The following ANKH variants were observed in gnomAD, a reference collection of about 807,000 sequenced individuals.
ANKH encodes the protein ANKH inorganic pyrophosphate transport regulator, also known as mineralization regulator ANKH.
ANKH carries 15 observed loss-of-function variants against 49.0 expected under a neutral mutation model. That is an observed-to-expected ratio of 0.31 (90% CI 0.20 to 0.47). The LOEUF is 0.47. ANKH is among the 20% of genes least tolerant of loss of function. The probability of loss-of-function intolerance (pLI) is 1.00; values close to 1 mark genes in which losing one functional copy is unlikely to be tolerated. For missense variants in ANKH, 429 were observed against 652.0 expected, an observed-to-expected ratio of 0.66 and a Z score of 3.72; for synonymous variants, 273 against 260.0, an observed-to-expected ratio of 1.05 and a Z score of -0.48.
intron 1 of ANKH, among the ~76,000 whole-genome samples, chr5:14,793,021 A>AAAAT (rs1444535355): frequency 1.2e-3 from 80 of 68,270 alleles, no homozygotes; most frequent in African/African-American, 4.4e-3. Flanking sequence ...TATATATATA[A>AAAAT]ATATATATAT....
intron 1 of ANKH, among the ~76,000 whole-genome samples, chr5:14,819,938 CAT>C (rs1554008278): frequency 6.1e-5 from 9 of 147,476 alleles, no homozygotes; most frequent in African/African-American, 1.2e-4. Context: ...CACACACACA[CAT>C]TAAGCCTAAT....
chr5:14,771,243 C>T (rs1167465119), intron 1 of ANKH, among the ~76,000 whole-genome samples: 2 of 152,196 alleles, frequency 1.3e-5, no homozygotes, highest in Non-Finnish European at 2.9e-5. Flanking sequence ...TAAACTCAAT[C>T]CACCATTGTG....
intron 1 of ANKH, among the ~76,000 whole-genome samples, chr5:14,843,144 A>T (rs1741859266): frequency 6.6e-6 from 1 of 151,734 alleles, no homozygotes; most frequent in Non-Finnish European, 1.5e-5. Context: ...CTCCCTAACA[A>T]ACGAGACCTT....
At chr5:14,803,113 G>A (rs1252480854) in intron 1 of ANKH, among the ~76,000 whole-genome samples, 1 of 152,164 alleles carries the variant, frequency 6.6e-6, no homozygotes, top group Non-Finnish European at 1.5e-5. Flanking sequence ...TATTTTAGTT[G>A]TTTAAATGTT....
At chr5:14,863,798 A>G (rs1032547653) in intron 1 of ANKH, among the ~76,000 whole-genome samples, 1 of 152,166 alleles carries the variant, frequency 6.6e-6, no homozygotes, top group Non-Finnish European at 1.5e-5. Context: ...CTCCCACCCA[A>G]CATAACCTGC....
intron 1 of ANKH, among the ~76,000 whole-genome samples, chr5:14,831,140 T>C (rs1580102335): frequency 6.6e-6 from 1 of 152,196 alleles, no homozygotes; most frequent in Non-Finnish European, 1.5e-5. Context: ...AGTTTTCTAC[T>C]GAGTGGGACT....
At chr5:14,784,544 G>A (rs1739912596) in intron 1 of ANKH, among the ~76,000 whole-genome samples, 1 of 152,210 alleles carries the variant, frequency 6.6e-6, no homozygotes, top group Non-Finnish European at 1.5e-5. Flanking sequence ...AAAAGAAGTG[G>A]TTATTTTAAA....
chr5:14,797,978 T>C (rs752378827), intron 1 of ANKH: 24 of 1,563,204 alleles, frequency 1.5e-5, no homozygotes, highest in Non-Finnish European at 2.1e-5. Flanking sequence ...GAGTCTTTGT[T>C]GTGATGATAC....
chr5:14,760,768 G>A (rs1313972889), intron 2 of ANKH, among the ~76,000 whole-genome samples: 2 of 152,200 alleles, frequency 1.3e-5, no homozygotes, highest in Non-Finnish European at 2.9e-5. Flanking sequence ...AAATCCCCTG[G>A]TGAAGGTTAC....
chr5:14,776,384 A>G (rs906773159), intron 1 of ANKH, among the ~76,000 whole-genome samples: 2 of 152,154 alleles, frequency 1.3e-5, no homozygotes, highest in Non-Finnish European at 2.9e-5. Context: ...ATGGATATAC[A>G]TTTGGAGGTC....
In ANKH at chr5:14,860,705, C is replaced by T. The variant is rs112671273; in HGVS notation, c.96+10647G>A. 5.9e-3 allele frequency among the ~76,000 whole-genome samples: 892 copies of T among 152,202 alleles called. 1 individual carries two copies. The highest frequency in any genetic ancestry group is 0.019 in the African/African-American group (802 of 41,534). ...CTAAGTCAAACGGCAAATTAGAAAA[C>T]GGCAGGCAGAAACTCAAATACTCTC... On this transcript the variant is annotated intron_variant, in intron 1 of 11. Coordinates refer to ENST00000284268, the MANE Select transcript of ANKH (RefSeq NM_054027.6).
At chr5:14,748,369 C>A (rs1006265169) in intron 6 of ANKH, among the ~76,000 whole-genome samples, 1 of 152,222 alleles carries the variant, frequency 6.6e-6, no homozygotes, top group South Asian at 2.1e-4. Flanking sequence ...ATGCTGACAG[C>A]GCAGTAAGGG....
At chr5:14,852,442 C>G (rs1742146190) in intron 1 of ANKH, among the ~76,000 whole-genome samples, 1 of 152,200 alleles carries the variant, frequency 6.6e-6, no homozygotes. Context: ...GTCCAAGCAG[C>G]TACTGATAGT....
chr5:14,798,981 A>G (rs1740481860), intron 1 of ANKH, among the ~76,000 whole-genome samples: 1 of 152,250 alleles, frequency 6.6e-6, no homozygotes, highest in African/African-American at 2.4e-5. Context: ...GGCTTCCTCT[A>G]TCAGTTAGCC....
intron 1 of ANKH, among the ~76,000 whole-genome samples, chr5:14,851,909 GT>G (rs1742132167): frequency 6.6e-6 from 1 of 152,212 alleles, no homozygotes; most frequent in South Asian, 2.1e-4. Flanking sequence ...GAAGGTACAG[GT>G]AGGCCTAAAT....
intron 1 of ANKH, among the ~76,000 whole-genome samples, chr5:14,795,709 A>AT (rs1264466825): frequency 6.6e-6 from 1 of 152,134 alleles, no homozygotes; most frequent in African/African-American, 2.4e-5. Context: ...TACGAAACAA[A>AT]TTAGTCGGCG....
intron 1 of ANKH, among the ~76,000 whole-genome samples, chr5:14,776,983 C>T (rs142974884): frequency 6.6e-6 from 1 of 152,328 alleles, no homozygotes; most frequent in Non-Finnish European, 1.5e-5. Context: ...GAATGGCTGA[C>T]TTAAAAACAT....
At chr5:14,840,956 G>T (rs1055941223) in intron 1 of ANKH, among the ~76,000 whole-genome samples, 2 of 152,174 alleles carry the variant, frequency 1.3e-5, no homozygotes, top group African/African-American at 2.4e-5. Flanking sequence ...ATGCCATTTG[G>T]TTTTTTATAA....
At chr5:14,727,349 A>G (rs1737854113) in intron 8 of ANKH, among the ~76,000 whole-genome samples, 1 of 152,148 alleles carries the variant, frequency 6.6e-6, no homozygotes, top group Non-Finnish European at 1.5e-5. Context: ...TTTCAGATAT[A>G]GTTTTATAAC....
Sources: gnomAD v4.1 joint callset for allele counts (sites outside exome capture counted in the v4.1 genomes callset) on GRCh38, gnomAD v4.1.1 for gene constraint, MANE v1.5 for transcripts, NCBI Gene and HGNC (gene_info 2026-07-23, HGNC 2026-07-21) for gene names.